The following TBCE variants were observed in gnomAD, a reference collection of about 807,000 sequenced individuals.
TBCE encodes the protein tubulin-specific chaperone E.
Under a neutral mutation model 77.0 loss-of-function variants are expected in TBCE, and 53 were observed. The observed-to-expected ratio is 0.69, with a 90% CI of 0.55 to 0.87. The LOEUF (loss-of-function observed/expected upper bound fraction) is 0.87. Ranked by LOEUF, TBCE falls within the 40% of genes least tolerant of loss-of-function variation. TBCE has a pLI of 0.00. For missense variants in TBCE, 624 were observed against 622.4 expected (o/e 1.00, Z -0.03); for synonymous variants, 235 against 241.3 (o/e 0.97, Z 0.24).
chr1:235,413,659 T>C (rs1201281504), intron 3 of TBCE, among the ~76,000 whole-genome samples: 4 of 140,400 alleles, frequency 2.8e-5, no homozygotes, highest in Admixed American at 7.0e-5. Context: ...TGAGATTCTG[T>C]CTCAAAAAAA....
chr1:235,426,939 C>T (rs138098783), intron 5 of TBCE, among the ~76,000 whole-genome samples: 66 of 152,298 alleles, frequency 4.3e-4, no homozygotes, highest in African/African-American at 1.5e-3. Flanking sequence ...AGCCACCGCG[C>T]CTGGCCTCAC....
chr1:235,411,562 C>T (rs1403967991), intron 3 of TBCE, among the ~76,000 whole-genome samples: 1 of 151,920 alleles, frequency 6.6e-6, no homozygotes, highest in Admixed American at 6.6e-5. Flanking sequence ...TGAGGGGAAT[C>T]CATAGAGTAA....
intron 8 of TBCE, 27 bp from the exon 9 acceptor site, chr1:235,435,718 G>A (rs1421685053): frequency 1.0e-5 from 16 of 1,588,944 alleles, no homozygotes; most frequent in Middle Eastern, 1.7e-4. Flanking sequence ...ATAAATTCAC[G>A]GTGAAAAAAT....
At chr1:235,433,082 G>A (rs748150101) in intron 7 of TBCE, 15 of 1,549,000 alleles carry the variant, frequency 9.7e-6, no homozygotes, top group Middle Eastern at 1.7e-4. Flanking sequence ...ACATCCATGC[G>A]GATGAACGTG....
intron 15 of TBCE, among the ~76,000 whole-genome samples, chr1:235,446,732 T>C (rs1487472802): frequency 6.6e-6 from 1 of 151,778 alleles, no homozygotes; most frequent in African/African-American, 2.4e-5. Context: ...CTCACTTTGT[T>C]ACCCAGGCTG....
chr1:235,432,943 T>G (rs1325080747), intron 7 of TBCE: 1 of 1,278,628 alleles, frequency 7.8e-7, no homozygotes, highest in Non-Finnish European at 9.8e-7. Flanking sequence ...AAAAAAAAAT[T>G]AGGCTCATGC....
At position 235,436,278 on chromosome 1, in the gene TBCE, G is replaced by A. The variant is rs1681443648; in HGVS notation, c.834-108G>A. The A allele has an allele frequency of 2.3e-5, 22 of 963,926 alleles. No individual in the cohort carries two copies. The South Asian group carries it at 2.9e-4, about 13-fold the overall frequency. 59.7% of individuals were successfully genotyped at this position (963,926 alleles called of 1,614,324 possible). A position where few individuals can be genotyped will look rare whatever the true frequency, so the allele number is the denominator to read the frequency against. ...TATGGTTTCTAAGTATTTTACATGG[G>A]ATTAAAAACCCAGGGTGTAGGAAAA... is the stretch of plus-strand genomic sequence containing the variant. On this transcript the variant is annotated intron_variant, in intron 9 of 16. Transcript: ENST00000642610.
intron 1 of TBCE, among the ~76,000 whole-genome samples, chr1:235,376,053 C>G (rs537940106): frequency 1.1e-4 from 17 of 151,900 alleles, no homozygotes; most frequent in Middle Eastern, 3.4e-3. Flanking sequence ...TCAAAACAAA[C>G]AAACAAAAAC....
intron 6 of TBCE, among the ~76,000 whole-genome samples, chr1:235,427,825 G>A (rs1041974969): frequency 1.3e-5 from 2 of 152,038 alleles, no homozygotes; most frequent in African/African-American, 4.8e-5. Flanking sequence ...GAGGTAAGGA[G>A]TTTGAGACCA....
At chr1:235,448,259 T>C (rs1361643743) in intron 15 of TBCE, 90 bp from the exon 16 acceptor site, 13 of 958,220 alleles carry the variant, frequency 1.4e-5, no homozygotes, top group Admixed American at 3.4e-5. Context: ...CAGCTATCAT[T>C]GCAATGATAC....
At chr1:235,433,689 G>T (rs1681237579) in intron 7 of TBCE, 1 of 157,214 alleles carries the variant, frequency 6.4e-6, no homozygotes. Flanking sequence ...AATCATGGAT[G>T]TAGAATATTT....
At chr1:235,397,628 G>A (rs886466414) in intron 2 of TBCE, among the ~76,000 whole-genome samples, 1 of 152,218 alleles carries the variant, frequency 6.6e-6, no homozygotes, top group Non-Finnish European at 1.5e-5. Context: ...TGTGGCTTGA[G>A]TCCATGGAGA....
intron 3 of TBCE, among the ~76,000 whole-genome samples, chr1:235,408,693 CTT>C (rs1416047019): frequency 6.6e-6 from 1 of 152,178 alleles, no homozygotes; most frequent in African/African-American, 2.4e-5. Context: ...TGGGTCAGCT[CTT>C]TAGATGTTAC....
At chr1:235,416,397 G>A (rs947003389) in intron 4 of TBCE, among the ~76,000 whole-genome samples, 16 of 151,896 alleles carry the variant, frequency 1.1e-4, no homozygotes, top group East Asian at 5.8e-4. Flanking sequence ...GTAGTGGTGC[G>A]TGCCTATAGT....
intron 1 of TBCE, among the ~76,000 whole-genome samples, chr1:235,377,392 G>T (rs978702447): frequency 6.6e-6 from 1 of 152,290 alleles, no homozygotes; most frequent in Admixed American, 6.5e-5. Context: ...TGTTGGCTGG[G>T]ATGGTATCGA....
chr1:235,370,813 C>T (rs1302938549), intron 1 of TBCE, among the ~76,000 whole-genome samples: 5 of 147,760 alleles, frequency 3.4e-5, no homozygotes, highest in Admixed American at 6.9e-5. Flanking sequence ...GTGATGTCGG[C>T]TCACTGCAAC....
chr1:235,414,675 T>A, intron 4 of TBCE, 57 bp downstream of exon 4: 1 of 1,550,048 alleles, frequency 6.5e-7, no homozygotes. Flanking sequence ...AGGTTCAGAA[T>A]TGAAATACCC....
chr1:235,372,145 C>A (rs751133849), intron 1 of TBCE, among the ~76,000 whole-genome samples: 8 of 152,130 alleles, frequency 5.3e-5, no homozygotes, highest in Non-Finnish European at 8.8e-5. Flanking sequence ...CCACACCCAG[C>A]TGATTTTTAT....
rs1216964954 is a variant in TBCE, at chr1:235,452,238, T to C, written c.*3476T>C. On this transcript the variant is annotated 3_prime_UTR_variant, in exon 17 of 17. Transcript: ENST00000642610. Reference sequence around the variant, plus strand: ...ACCGTGTTAGCCAGGATGGTCTCCATCTCCTGACCTCATGATCTGCCCGCC... The same window carrying C: ...ACCGTGTTAGCCAGGATGGTCTCCACCTCCTGACCTCATGATCTGCCCGCC... The C allele has an allele frequency of 1.3e-5, 2 of 152,144 alleles. No homozygotes were observed. The highest frequency in any genetic ancestry group is 4.8e-5 in the African/African-American group (2 of 41,422). The allele number at this position is 152,144 out of a possible 1,614,324, so 9.4% of individuals were successfully genotyped here.
Sources: gnomAD v4.1 joint callset for allele counts (sites outside exome capture counted in the v4.1 genomes callset) on GRCh38, gnomAD v4.1.1 for gene constraint, MANE v1.5 for transcripts, NCBI Gene and HGNC (gene_info 2026-07-23, HGNC 2026-07-21) for gene names.